ERBB4: variants seen among roughly 807,000 people sequenced by gnomAD.
ERBB4 encodes the protein erb-b2 receptor tyrosine kinase 4.
In ERBB4, 42 loss-of-function variants were observed where a neutral mutation model predicts 158.0. The ratio of observed to expected loss-of-function variants is 0.27; its 90% CI spans 0.21 to 0.34. The LOEUF is 0.34. Among genes scored for constraint, ERBB4 ranks in the 10% least tolerant of loss-of-function variants. ERBB4 has a pLI of 1.00. For synonymous variants in ERBB4, 583 were observed against 558.7 expected, an observed-to-expected ratio of 1.04 and a Z score of -0.61; for missense variants, 1,333 against 1,624.1, an observed-to-expected ratio of 0.82 and a Z score of 3.08.
intron 1 of ERBB4, among the ~76,000 whole-genome samples, chr2:212,301,965 G>C (rs910788548): frequency 6.6e-6 from 1 of 151,304 alleles, no homozygotes; most frequent in African/African-American, 2.4e-5. Flanking sequence ...CATTGGCAGG[G>C]GTATCCTATG....
intron 4 of ERBB4, among the ~76,000 whole-genome samples, chr2:211,774,999 G>A (rs1263803023): frequency 2.6e-5 from 4 of 152,138 alleles, no homozygotes; most frequent in Non-Finnish European, 5.9e-5. Context: ...TTCTTAATTG[G>A]TGGCTGCTTT....
intron 1 of ERBB4, among the ~76,000 whole-genome samples, chr2:212,432,794 C>T (rs1277806243): frequency 2.0e-5 from 3 of 152,100 alleles, no homozygotes; most frequent in Non-Finnish European, 4.4e-5. Context: ...GAGAGACAAT[C>T]CTTTAGTTTG....
chr2:212,212,557 A>C (rs1269753529), intron 1 of ERBB4, among the ~76,000 whole-genome samples: 1 of 152,052 alleles, frequency 6.6e-6, no homozygotes, highest in Non-Finnish European at 1.5e-5. Flanking sequence ...GAATTAAAAA[A>C]AAAAAAGGAC....
intron 1 of ERBB4, among the ~76,000 whole-genome samples, chr2:212,164,861 T>C (rs2081301365): frequency 6.6e-6 from 1 of 152,040 alleles, no homozygotes; most frequent in African/African-American, 2.4e-5. Context: ...CCTGCATCCA[T>C]TTTGCTTGTG....
chr2:212,263,195 T>A (rs1207403338), intron 1 of ERBB4, among the ~76,000 whole-genome samples: 1 of 152,020 alleles, frequency 6.6e-6, no homozygotes, highest in East Asian at 1.9e-4. Context: ...GAGAGAAACG[T>A]GTGACAGGTT....
At chr2:211,794,838 A>G (rs970324262) in intron 3 of ERBB4, among the ~76,000 whole-genome samples, 6 of 151,858 alleles carry the variant, frequency 4.0e-5, no homozygotes, top group African/African-American at 1.4e-4. Context: ...CTTTTTTCTA[A>G]TAATTTTCCC....
At chr2:212,499,648 T>G (rs993314887) in intron 1 of ERBB4, among the ~76,000 whole-genome samples, 1 of 152,048 alleles carries the variant, frequency 6.6e-6, no homozygotes, top group Non-Finnish European at 1.5e-5. Context: ...AAGAGGAGGA[T>G]GATAGCATAA....
At chr2:211,974,154 GA>G (rs781212320) in intron 2 of ERBB4, among the ~76,000 whole-genome samples, 1 of 152,146 alleles carries the variant, frequency 6.6e-6, no homozygotes, top group Non-Finnish European at 1.5e-5. Context: ...CCTGAATGAT[GA>G]AATAATCTGT....
intron 20 of ERBB4, among the ~76,000 whole-genome samples, chr2:211,557,065 G>A (rs545131632): frequency 1.3e-5 from 2 of 152,082 alleles, no homozygotes; most frequent in Non-Finnish European, 2.9e-5. Flanking sequence ...TAGCCATATG[G>A]AGAAGATTGA....
At chr2:211,727,188 A>G (rs952348096) in intron 5 of ERBB4, among the ~76,000 whole-genome samples, 11 of 152,214 alleles carry the variant, frequency 7.2e-5, no homozygotes, top group African/African-American at 2.7e-4. Flanking sequence ...TTATTTAACC[A>G]TTCTGTATTT....
intron 3 of ERBB4, among the ~76,000 whole-genome samples, chr2:211,811,788 T>G (rs537481130): frequency 6.6e-6 from 1 of 152,318 alleles, no homozygotes; most frequent in African/African-American, 2.4e-5. Context: ...CTGATACCCA[T>G]TCTTCCATTT....
intron 1 of ERBB4, among the ~76,000 whole-genome samples, chr2:212,131,236 G>C (rs2080098101): frequency 6.6e-6 from 1 of 152,032 alleles, no homozygotes; most frequent in African/African-American, 2.4e-5. Context: ...TTACACAGCG[G>C]CCTCCTAACT....
intron 1 of ERBB4, among the ~76,000 whole-genome samples, chr2:212,430,794 T>C (rs1285987487): frequency 6.6e-6 from 1 of 151,976 alleles, no homozygotes; most frequent in Non-Finnish European, 1.5e-5. Flanking sequence ...TTCAATCTCA[T>C]GTTGAGAAAG....
intron 19 of ERBB4, among the ~76,000 whole-genome samples, chr2:211,572,123 C>T (rs964002854): frequency 1.3e-5 from 2 of 152,140 alleles, no homozygotes; most frequent in Admixed American, 1.3e-4. Context: ...CTGACTCCTA[C>T]TTAAATTCAG....
chr2:212,125,251 C>A, intron 1 of ERBB4: 1 of 201,214 alleles, frequency 5.0e-6, no homozygotes, highest in Non-Finnish European at 1.0e-5. Context: ...ACTCTGTTTT[C>A]TAATTGGGTA....
At chr2:211,942,299 C>T (rs2080522172) in intron 3 of ERBB4, among the ~76,000 whole-genome samples, 1 of 151,900 alleles carries the variant, frequency 6.6e-6, no homozygotes, top group African/African-American at 2.4e-5. Flanking sequence ...AATTTTACAA[C>T]ATTTACATGT....
intron 1 of ERBB4, among the ~76,000 whole-genome samples, chr2:212,384,813 A>G (rs1054106594): frequency 2.0e-5 from 3 of 150,104 alleles, no homozygotes; most frequent in Non-Finnish European, 4.5e-5. Flanking sequence ...AAATTTCAGG[A>G]GTGAATTTCT....
chr2:212,134,646 C>T (rs540919589), intron 1 of ERBB4, among the ~76,000 whole-genome samples: 87 of 147,306 alleles, frequency 5.9e-4, no homozygotes, highest in South Asian at 2.2e-3. Flanking sequence ...AGTGATAAAA[C>T]GTAGACTGCT....
intron 5 of ERBB4, 104 bp downstream of exon 5, chr2:211,750,535 G>A (rs2075101625): frequency 1.0e-6 from 1 of 968,434 alleles, no homozygotes; most frequent in Non-Finnish European, 1.7e-6. Context: ...ACAAGGAGGT[G>A]ATAGCTCATT....
Sources: gnomAD v4.1 joint callset for allele counts (sites outside exome capture counted in the v4.1 genomes callset) on GRCh38, gnomAD v4.1.1 for gene constraint, MANE v1.5 for transcripts, NCBI Gene and HGNC (gene_info 2026-07-23, HGNC 2026-07-21) for gene names.